PCDHGA11: variants seen among roughly 807,000 people sequenced by gnomAD.
PCDHGA11 encodes protocadherin gamma subfamily A, 11.
In PCDHGA11, 39 loss-of-function variants were observed where a neutral mutation model predicts 60.4. The observed-to-expected ratio is 0.65, with a 90% confidence interval of 0.50 to 0.84. The LOEUF (loss-of-function observed/expected upper bound fraction) is 0.84. Among genes scored for constraint, PCDHGA11 ranks in the 40% least tolerant of loss-of-function variants. PCDHGA11 has a pLI of 0.00. For synonymous variants in PCDHGA11, 533 were observed against 510.3 expected (o/e 1.04, Z -0.60); for missense variants, 1,165 against 1,197.7 (o/e 0.97, Z 0.40).
Position 141,458,000 on chromosome 5 carries a change from A to G in PCDHGA11, c.2433+34340A>G, listed in dbSNP as rs1047291886. ...CACCCTTTCAGTTAAAGCCTTGGCA[A>G]AATAACCGGTTTTTCCAATTGTGTT... On this transcript the variant is annotated intron_variant, in intron 1 of 3. Coordinates refer to ENST00000398587, the MANE Select transcript of PCDHGA11 (RefSeq NM_018914.3). Among the ~76,000 whole-genome samples, 4 of 152,214 alleles carry G rather than the reference A, an allele frequency of 2.6e-5. No homozygotes were observed. In the East Asian group the frequency reaches 5.8e-4, roughly 22 times the overall value.
chr5:141,462,007 G>C (rs2099028604), intron 1 of PCDHGA11, among the ~76,000 whole-genome samples: 1 of 152,188 alleles, frequency 6.6e-6, no homozygotes, highest in South Asian at 2.1e-4. Context: ...ATTTTTAATA[G>C]AGACGGGGTT....
intron 1 of PCDHGA11, among the ~76,000 whole-genome samples, chr5:141,469,492 T>C (rs1233507221): frequency 6.6e-6 from 1 of 152,038 alleles, no homozygotes; most frequent in Non-Finnish European, 1.5e-5. Flanking sequence ...GGAGAATCGC[T>C]TGAACCCGGG....
chr5:141,485,444 G>A lies in PCDHGA11; in HGVS notation c.2434-9363G>A. 1 of 1,614,110 alleles carries A rather than the reference G, an allele frequency of 6.2e-7. No individual in the cohort carries two copies. Among genetic ancestry groups the A allele is most frequent in the Non-Finnish European group, 8.5e-7 (1 of 1,180,020 alleles). On this transcript the variant is annotated intron_variant, in intron 1 of 3. Coordinates refer to ENST00000398587, the MANE Select transcript of PCDHGA11 (RefSeq NM_018914.3). This position sits in a 1 kb window ranked among gnomAD's most constrained non-coding sequence, Gnocchi z 5.7. ...AGCCCTGCTCATCAAGAACCCAATC[G>A]ACCGAGAGGCACTGTGTGGGCTCAG...
At chr5:141,439,190 CAA>C (rs200519543) in intron 1 of PCDHGA11, among the ~76,000 whole-genome samples, 3 of 111,702 alleles carry the variant, frequency 2.7e-5, no homozygotes, top group Non-Finnish European at 4.0e-5. Flanking sequence ...GAGACTCTGA[CAA>C]AAAAAAAAAA....
At chr5:141,495,984 ATC>A (rs2099765081) in intron 2 of PCDHGA11, among the ~76,000 whole-genome samples, 1 of 149,246 alleles carries the variant, frequency 6.7e-6, no homozygotes, top group East Asian at 2.0e-4. Context: ...CTCTTTCTTT[ATC>A]TCTCTTTTTC....
intron 1 of PCDHGA11, among the ~76,000 whole-genome samples, chr5:141,445,007 G>A (rs771023003): frequency 1.5e-4 from 23 of 151,994 alleles, no homozygotes; most frequent in Non-Finnish European, 2.4e-4. Flanking sequence ...ATTTAATTAG[G>A]TCTTTAATTT....
At chr5:141,443,090 C>T (rs1403922939) in intron 1 of PCDHGA11, among the ~76,000 whole-genome samples, 3 of 151,926 alleles carry the variant, frequency 2.0e-5, no homozygotes, top group Non-Finnish European at 2.9e-5. Context: ...TTCCAGTCTC[C>T]TTCTCAAGCT....
chr5:141,443,385 T>G (rs2098386152), intron 1 of PCDHGA11, among the ~76,000 whole-genome samples: 2 of 151,940 alleles, frequency 1.3e-5, no homozygotes, highest in African/African-American at 4.8e-5. Flanking sequence ...CTTGGGAGGC[T>G]GAGGTGTGAG....
intron 3 of PCDHGA11, among the ~76,000 whole-genome samples, chr5:141,506,682 C>A (rs1333272766): frequency 6.6e-6 from 1 of 152,192 alleles, no homozygotes; most frequent in East Asian, 1.9e-4. Context: ...ATATTATTAT[C>A]TTTGCTGACC....
chr5:141,433,397 A>ATCTATCTATCTG (rs2097600396), intron 1 of PCDHGA11, among the ~76,000 whole-genome samples: 2 of 150,410 alleles, frequency 1.3e-5, no homozygotes, highest in African/African-American at 2.5e-5. Flanking sequence ...CTATCTATCT[A>ATCTATCTATCTG]TCTATCTATT....
At chr5:141,447,950 G>T (rs1195519095) in intron 1 of PCDHGA11, among the ~76,000 whole-genome samples, 1 of 152,052 alleles carries the variant, frequency 6.6e-6, no homozygotes, top group Non-Finnish European at 1.5e-5. Flanking sequence ...GCTGGGCATG[G>T]TGGCGGACAC....
intron 1 of PCDHGA11, among the ~76,000 whole-genome samples, chr5:141,459,563 C>CAAAACAGAATT (rs1554142058): frequency 5.3e-5 from 8 of 152,044 alleles, no homozygotes; most frequent in Non-Finnish European, 2.9e-5. Context: ...ATAAATACCC[C>CAAAACAGAATT]AAAACAGAAT....
chr5:141,485,380 G>A lies in PCDHGA11; in HGVS notation c.2434-9427G>A. The A allele has an allele frequency of 1.9e-6, 3 of 1,614,146 alleles. No individual in the cohort carries two copies. The highest frequency in any genetic ancestry group is 2.5e-6 in the Non-Finnish European group (3 of 1,180,032). On this transcript the variant is annotated intron_variant, in intron 1 of 3. Coordinates refer to ENST00000398587, the MANE Select transcript of PCDHGA11 (RefSeq NM_018914.3). This position sits in a 1 kb window ranked among gnomAD's most constrained non-coding sequence, Gnocchi z 5.7. ...CTCGCAGGCTGCAGGTCGCTGGAGA[G>A]GTGAACCAAAGACACTTCCGTGTGG... is the stretch of plus-strand genomic sequence containing the variant.
At chr5:141,437,863 G>A (rs2097915247) in intron 1 of PCDHGA11, among the ~76,000 whole-genome samples, 2 of 151,480 alleles carry the variant, frequency 1.3e-5, no homozygotes, top group African/African-American at 2.4e-5. Context: ...TTAGCCTCCC[G>A]AGTAGCTGGG....
intron 1 of PCDHGA11, chr5:141,433,196 C>A (rs750657930): frequency 4.4e-6 from 7 of 1,575,116 alleles, no homozygotes; most frequent in African/African-American, 1.4e-5. Context: ...GAGTTTATAT[C>A]AAATCTTCTT....
chr5:141,478,631 A>G (rs781339775), intron 1 of PCDHGA11: 1 of 1,553,196 alleles, frequency 6.4e-7, no homozygotes, highest in Non-Finnish European at 8.7e-7. Context: ...CTGTTTTTTT[A>G]GTGATGAAGA....
chr5:141,450,893 C>T (rs1306212499), intron 1 of PCDHGA11, among the ~76,000 whole-genome samples: 3 of 149,144 alleles, frequency 2.0e-5, no homozygotes, highest in East Asian at 2.0e-4. Flanking sequence ...GGTGCGATAT[C>T]GGCTCACTGC....
Position 141,494,824 on chromosome 5 carries a change from G to A in PCDHGA11, c.2451G>A (p.Thr817=), listed in dbSNP as rs1423741889. The A allele has an allele frequency of 1.8e-5, 29 of 1,613,924 alleles. No homozygotes were observed. Among genetic ancestry groups the A allele is most frequent in the Non-Finnish European group, 2.4e-5 (28 of 1,180,032 alleles). Residue 817 remains threonine (T), a synonymous_variant, in exon 2 of 4, where the codon ACG becomes ACA. Transcript: ENST00000398587. The part of the protein sequence containing the change: ...PTSNQQAPPN[T]DWRFSQAQRP... ...CTCCACAGCAAGCCCCGCCCAACAC[G>A]GACTGGCGTTTCTCTCAGGCCCAGA...
rs1242637725 is a variant in PCDHGA11 at position 141,432,619 on chromosome 5, T to G, written c.2433+8959T>G. 3.1e-6 allele frequency: 5 copies of G among 1,612,618 alleles called. No homozygotes were observed. The highest frequency in any genetic ancestry group is 1.7e-5 in the Admixed American group (1 of 59,934). On this transcript the variant is annotated intron_variant, in intron 1 of 3. Transcript: ENST00000398587. This position sits in a 1 kb window ranked among gnomAD's most constrained non-coding sequence, Gnocchi z 6.0. ...GCGAGCCGGGACTCTTCTCGGTGGG[T>G]CTGCACACGGGCGAGGTGCGCACGG... is the stretch of plus-strand genomic sequence containing the variant.
Sources: allele counts gnomAD v4.1 joint callset (sites outside exome capture counted in the v4.1 genomes callset), GRCh38; gene constraint gnomAD v4.1.1; non-coding constraint Gnocchi (gnomAD v3.1); transcripts MANE v1.5; gene names NCBI Gene and HGNC (gene_info 2026-07-23, HGNC 2026-07-21).